DSCAM: variants seen among roughly 807,000 people sequenced by gnomAD.
DSCAM encodes cell adhesion molecule DSCAM.
A neutral mutation model predicts 217.7 loss-of-function variants in DSCAM; 47 were observed. The ratio of observed to expected loss-of-function variants is 0.22; its 90% CI spans 0.17 to 0.28. The LOEUF (loss-of-function observed/expected upper bound fraction) is 0.28, where lower values mean the gene tolerates loss of function less well. Among genes scored for constraint, DSCAM ranks in the 10% least tolerant of loss-of-function variants. DSCAM has a pLI of 1.00. For missense variants in DSCAM, 2,080 were observed against 2,618.3 expected (o/e 0.79, Z 4.49); for synonymous variants, 1,056 against 1,015.3 (o/e 1.04, Z -0.76).
At position 40,337,953 on chromosome 21, in the gene DSCAM, A is replaced by AC. The variant is rs2074445156; in HGVS notation, c.1783+147dup. On this transcript the variant is annotated intron_variant, in intron 8 of 32. Transcript: ENST00000400454. Reference sequence around the variant, plus strand: ...GAAGATTCAGTCAGTAGTAAAGAGGACATCTCATGTTCCCTGTCATTCTTC... The same window carrying AC: ...GAAGATTCAGTCAGTAGTAAAGAGGACCATCTCATGTTCCCTGTCATTCTTC... 6 of 997,716 alleles carry AC rather than the reference A, an allele frequency of 6.0e-6. No individual in the cohort carries two copies. The South Asian group carries it at 9.7e-5, about 16-fold the overall frequency. 61.8% of individuals were successfully genotyped at this position (997,716 alleles called of 1,614,324 possible). A position where few individuals can be genotyped will look rare whatever the true frequency, so the allele number is the denominator to read the frequency against.
chr21:40,407,771 G>T (rs2075291030), intron 3 of DSCAM, among the ~76,000 whole-genome samples: 1 of 152,202 alleles, frequency 6.6e-6, no homozygotes, highest in African/African-American at 2.4e-5. Context: ...AGCATGTGAA[G>T]CAGGGACAAG....
At position 40,404,716 on chromosome 21, in the gene DSCAM, T is replaced by C. The variant is rs114205488; in HGVS notation, c.509-35471A>G. 8.0e-3 allele frequency among the ~76,000 whole-genome samples: 1,221 copies of C among 152,316 alleles called. 23 individuals are homozygous for C. The highest frequency in any genetic ancestry group is 0.025 in the East Asian group (130 of 5,182). On this transcript the variant is annotated intron_variant, in intron 3 of 32. Coordinates refer to ENST00000400454, the MANE Select transcript of DSCAM (RefSeq NM_001389.5). The stretch of plus-strand genomic sequence containing the variant: ...CAGGCTCCAGGCCAGGGGTTGGATA[T>C]AGAATAGTGAGTGGAGGAAGGCGTG...
intron 3 of DSCAM, among the ~76,000 whole-genome samples, chr21:40,605,519 T>C (rs369773066): frequency 6.6e-6 from 1 of 152,212 alleles, no homozygotes; most frequent in African/African-American, 2.4e-5. Context: ...AGAGTCTCTA[T>C]TGCAGCTCCT....
At chr21:40,313,125 A>AAG (rs1555902593) in intron 8 of DSCAM, among the ~76,000 whole-genome samples, 1 of 151,854 alleles carries the variant, frequency 6.6e-6, no homozygotes, top group African/African-American at 2.4e-5. Context: ...AAAACTAAAA[A>AAG]AAAAAAAAAA....
At chr21:40,047,566 A>G (rs1305711012) in intron 30 of DSCAM, among the ~76,000 whole-genome samples, 1 of 152,182 alleles carries the variant, frequency 6.6e-6, no homozygotes, top group Non-Finnish European at 1.5e-5. Context: ...GTTTGGGATG[A>G]GAGAGGATTT....
At chr21:40,033,354 A>C (rs918587678) in intron 32 of DSCAM, among the ~76,000 whole-genome samples, 13 of 152,184 alleles carry the variant, frequency 8.5e-5, no homozygotes, top group South Asian at 2.1e-4. Context: ...GAGGCATTGC[A>C]TCACTCGGGA....
At chr21:40,302,438 G>T (rs954134028) in intron 9 of DSCAM, among the ~76,000 whole-genome samples, 1 of 152,266 alleles carries the variant, frequency 6.6e-6, no homozygotes, top group African/African-American at 2.4e-5. Context: ...CTGTGGAACT[G>T]TGAGTCCATT....
chr21:40,140,161 A>C (rs540019842), intron 18 of DSCAM, among the ~76,000 whole-genome samples: 2 of 152,190 alleles, frequency 1.3e-5, no homozygotes, highest in Admixed American at 1.3e-4. Context: ...TCATAAACGA[A>C]ATCTCTCAGG....
intron 1 of DSCAM, among the ~76,000 whole-genome samples, chr21:40,819,452 A>G (rs1227403458): frequency 6.6e-6 from 1 of 152,216 alleles, no homozygotes; most frequent in East Asian, 1.9e-4. Flanking sequence ...AACAAGGGCC[A>G]AACACATAAT....
intron 3 of DSCAM, among the ~76,000 whole-genome samples, chr21:40,511,916 G>C (rs981707247): frequency 6.7e-6 from 1 of 148,292 alleles, no homozygotes; most frequent in Non-Finnish European, 1.5e-5. Context: ...GCGCGAATCC[G>C]GGAGCTGGAG....
intron 3 of DSCAM, among the ~76,000 whole-genome samples, chr21:40,393,439 CA>C (rs1194576070): frequency 6.6e-6 from 1 of 152,082 alleles, no homozygotes; most frequent in African/African-American, 2.4e-5. Flanking sequence ...TCTAGAAAGC[CA>C]CTTTACTAAA....
chr21:40,204,314 T>A (rs2091101379), intron 11 of DSCAM, among the ~76,000 whole-genome samples: 1 of 152,214 alleles, frequency 6.6e-6, no homozygotes. Context: ...TGGATGTGGA[T>A]GTGTGTTTAT....
chr21:40,445,524 G>A lies in DSCAM; in HGVS notation c.509-76279C>T, dbSNP rs893413617. 3.3e-5 allele frequency among the ~76,000 whole-genome samples: 5 copies of A among 152,300 alleles called. No homozygotes were observed. The East Asian group carries it at 5.8e-4, about 18-fold the overall frequency. On this transcript the variant is annotated intron_variant, in intron 3 of 32. Coordinates refer to ENST00000400454, the MANE Select transcript of DSCAM (RefSeq NM_001389.5). ...AGCTATGAAGCCTGTAGTTGATCAC[G>A]TGTTATCATTAGTCAGCTAATTTCA...
In DSCAM at chr21:40,794,207, T is replaced by C. The variant is rs553972642; in HGVS notation, c.43+52412A>G. Among the ~76,000 whole-genome samples the C allele has an allele frequency of 1.1e-4, 17 of 152,334 alleles. No individual in the cohort carries two copies. The East Asian group carries it at 3.3e-3, about 29-fold the overall frequency. On this transcript the variant is annotated intron_variant, in intron 1 of 32. Coordinates refer to ENST00000400454, the MANE Select transcript of DSCAM (RefSeq NM_001389.5). ...TCGTCTATCAAATTGAGTTTAAGTT[T>C]CTAATTGAAACAATTTTTCAAGTGT...
chr21:40,081,508 T>C (rs1426103517), intron 24 of DSCAM, among the ~76,000 whole-genome samples: 2 of 152,032 alleles, frequency 1.3e-5, no homozygotes, highest in African/African-American at 4.8e-5. Context: ...TCCCTCCTCC[T>C]TCCTGAGCCT....
chr21:40,494,330 C>G (rs956823339), intron 3 of DSCAM, among the ~76,000 whole-genome samples: 4 of 152,106 alleles, frequency 2.6e-5, no homozygotes, highest in African/African-American at 9.7e-5. Context: ...GATTTAAGGA[C>G]ATGCATAGAC....
intron 2 of DSCAM, among the ~76,000 whole-genome samples, chr21:40,696,366 A>T (rs1300354315): frequency 6.6e-6 from 1 of 152,148 alleles, no homozygotes; most frequent in Non-Finnish European, 1.5e-5. Flanking sequence ...AGAGGCAGGG[A>T]AAGTGTGAGT....
chr21:40,571,798 C>T (rs1209353083), intron 3 of DSCAM, among the ~76,000 whole-genome samples: 1 of 152,066 alleles, frequency 6.6e-6, no homozygotes, highest in Non-Finnish European at 1.5e-5. Context: ...CCATGTTGGC[C>T]AGGCTGGTCT....
chr21:40,758,573 C>T (rs929711792), intron 1 of DSCAM, among the ~76,000 whole-genome samples: 3 of 150,206 alleles, frequency 2.0e-5, no homozygotes, highest in Non-Finnish European at 4.4e-5. Flanking sequence ...GGTGTGGTGA[C>T]TGCTGGCATA....
Sources: gnomAD v4.1 joint callset for allele counts (sites outside exome capture counted in the v4.1 genomes callset) on GRCh38, gnomAD v4.1.1 for gene constraint, MANE v1.5 for transcripts, NCBI Gene and HGNC (gene_info 2026-07-23, HGNC 2026-07-21) for gene names.